CSMD1: variants seen among roughly 807,000 people sequenced by gnomAD.
The protein encoded by CSMD1 is CUB and Sushi multiple domains 1, also known as CUB and sushi domain-containing protein 1.
A neutral mutation model predicts 417.5 loss-of-function variants in CSMD1; 213 were observed. The ratio of observed to expected loss-of-function variants is 0.51; its 90% CI spans 0.46 to 0.57. The LOEUF (loss-of-function observed/expected upper bound fraction) is 0.57. Ranked by LOEUF, CSMD1 falls within the 20% of genes least tolerant of loss-of-function variation. The pLI is 0.00. For synonymous variants in CSMD1, 2,862 were observed against 1,736.8 expected (o/e 1.65, Z -16.11); for missense variants, 6,923 against 4,529.7 (o/e 1.53, Z -15.17).
chr8:4,752,140 A>G (rs1811372573), intron 1 of CSMD1, among the ~76,000 whole-genome samples: 1 of 152,168 alleles, frequency 6.6e-6, no homozygotes, highest in Non-Finnish European at 1.5e-5. Context: ...ATATATATGT[A>G]TCTCAGTTGC....
chr8:4,964,159 C>G (rs982756540), intron 1 of CSMD1, among the ~76,000 whole-genome samples: 1 of 151,702 alleles, frequency 6.6e-6, no homozygotes, highest in Admixed American at 6.6e-5. Context: ...GACTTCAGGA[C>G]CAAGGAGGAG....
intron 3 of CSMD1, among the ~76,000 whole-genome samples, chr8:4,094,024 C>T (rs11782732): frequency 0.36 from 54,145 of 148,472 alleles, 10,441 homozygotes; most frequent in Non-Finnish European, 0.43. Flanking sequence ...AGAAAAAAGA[C>T]AAAGAAAATC....
At chr8:4,053,295 A>G (rs1446448304) in intron 3 of CSMD1, among the ~76,000 whole-genome samples, 1 of 152,232 alleles carries the variant, frequency 6.6e-6, no homozygotes, top group African/African-American at 2.4e-5. Flanking sequence ...GACAGTGCTT[A>G]GCATTGCGAA....
intron 33 of CSMD1, among the ~76,000 whole-genome samples, chr8:3,196,243 G>C (rs532133641): frequency 7.2e-4 from 110 of 152,122 alleles, no homozygotes; most frequent in Non-Finnish European, 1.2e-3. Context: ...TACCCTAAAG[G>C]GTCTAAAAAG....
chr8:4,660,853 C>T (rs574917515), intron 1 of CSMD1, among the ~76,000 whole-genome samples: 1 of 152,160 alleles, frequency 6.6e-6, no homozygotes, highest in South Asian at 2.1e-4. Context: ...TGGCAAATAC[C>T]ATGTTAAAAG....
chr8:3,577,066 C>G (rs1052176978), intron 9 of CSMD1, among the ~76,000 whole-genome samples: 3 of 152,158 alleles, frequency 2.0e-5, no homozygotes, highest in African/African-American at 7.2e-5. Context: ...TCATTTGTTA[C>G]AATCCTACTG....
intron 3 of CSMD1, among the ~76,000 whole-genome samples, chr8:4,345,612 C>CA (rs1255381037): frequency 6.6e-6 from 1 of 151,904 alleles, no homozygotes; most frequent in Non-Finnish European, 1.5e-5. Context: ...AAAACAAAAA[C>CA]AAAAAGTACC....
rs1306920536 is a variant in CSMD1, at chr8:3,480,457, C to G, written c.1449-11633G>C. Among the ~76,000 whole-genome samples, 5 of 152,164 alleles carry G rather than the reference C, an allele frequency of 3.3e-5. No individual in the cohort carries two copies. In the East Asian group the frequency reaches 9.7e-4, roughly 29 times the overall value. On this transcript the variant is annotated intron_variant, in intron 11 of 69. Coordinates refer to ENST00000635120, the MANE Select transcript of CSMD1 (RefSeq NM_033225.6). The stretch of plus-strand genomic sequence containing the variant: ...ACAAATACACATAGAAAAAAGAATC[C>G]AACTATTTTTTATCATTAGAATTCC...
intron 2 of CSMD1, among the ~76,000 whole-genome samples, chr8:4,502,763 A>C (rs894278445): frequency 1.3e-5 from 2 of 152,190 alleles, no homozygotes; most frequent in African/African-American, 2.4e-5. Flanking sequence ...GGTTGTAGAC[A>C]GTACATTCCA....
At chr8:3,376,491 A>T (rs1046183372) in intron 18 of CSMD1, among the ~76,000 whole-genome samples, 4 of 152,046 alleles carry the variant, frequency 2.6e-5, no homozygotes, top group Non-Finnish European at 5.9e-5. Context: ...TTAAATATAA[A>T]ATATTCATAT....
chr8:3,808,351 G>A (rs999952526), intron 5 of CSMD1, among the ~76,000 whole-genome samples: 2 of 152,036 alleles, frequency 1.3e-5, no homozygotes, highest in Non-Finnish European at 2.9e-5. Context: ...AAATGTTTGG[G>A]TCTTGGTATA....
rs531638451 is a variant in CSMD1, at chr8:3,543,613, A to T, written c.1344+31332T>A. ...AACAAAAGAAGGATTAAATATAAGT[A>T]TAATAATTTTCAGCCTAAATAACTG... On this transcript the variant is annotated intron_variant, in intron 10 of 69. Coordinates refer to ENST00000635120, the MANE Select transcript of CSMD1 (RefSeq NM_033225.6). 3.9e-5 allele frequency among the ~76,000 whole-genome samples: 6 copies of T among 151,920 alleles called. No homozygotes were observed. In the East Asian group the frequency reaches 1.2e-3, roughly 29 times the overall value.
intron 3 of CSMD1, among the ~76,000 whole-genome samples, chr8:4,116,393 C>T (rs760778761): frequency 3.3e-5 from 5 of 151,824 alleles, no homozygotes; most frequent in Non-Finnish European, 5.9e-5. Context: ...ATATACCACA[C>T]CATGAATGAA....
intron 10 of CSMD1, among the ~76,000 whole-genome samples, chr8:3,555,821 T>C (rs565425728): frequency 6.6e-6 from 1 of 152,128 alleles, no homozygotes; most frequent in Non-Finnish European, 1.5e-5. Flanking sequence ...ATAGACAAAA[T>C]CTTCGGTGCC....
rs1002915571 is a variant in CSMD1, at chr8:4,177,344, G to A, written c.416-145245C>T. On this transcript the variant is annotated intron_variant, in intron 3 of 69. Coordinates refer to ENST00000635120, the MANE Select transcript of CSMD1 (RefSeq NM_033225.6). ...CCTGAATGAATACTGGGTACATAAC[G>A]AAATGACGGCAGAAATAAAGATGTT... is the stretch of plus-strand genomic sequence containing the variant. Among the ~76,000 whole-genome samples the A allele has an allele frequency of 2.3e-3, 344 of 152,020 alleles. 2 individuals are homozygous for A. Among genetic ancestry groups the A allele is most frequent in the Middle Eastern group, 3.4e-3 (1 of 292 alleles).
At chr8:3,912,891 A>C (rs1563204202) in intron 5 of CSMD1, among the ~76,000 whole-genome samples, 1 of 152,174 alleles carries the variant, frequency 6.6e-6, no homozygotes, top group East Asian at 1.9e-4. Context: ...GAGTGAATGA[A>C]GATCAATTAA....
intron 1 of CSMD1, among the ~76,000 whole-genome samples, chr8:4,878,998 G>C (rs1329415211): frequency 6.6e-6 from 1 of 151,946 alleles, no homozygotes; most frequent in Non-Finnish European, 1.5e-5. Context: ...GAACAGGATG[G>C]GTGAGGGCAA....
intron 2 of CSMD1, among the ~76,000 whole-genome samples, chr8:4,434,916 G>A (rs549425294): frequency 9.2e-5 from 14 of 152,250 alleles, no homozygotes; most frequent in Non-Finnish European, 1.3e-4. Flanking sequence ...ACATGACTCT[G>A]CATGACAAAG....
intron 3 of CSMD1, among the ~76,000 whole-genome samples, chr8:4,210,398 ATAGTGGAAACTG>A (rs1406341148): frequency 6.6e-6 from 1 of 152,226 alleles, no homozygotes; most frequent in East Asian, 1.9e-4. Context: ...TCAGGATTTT[ATAGTGGAAACTG>A]GTGGGTTATA....
Sources: allele counts gnomAD v4.1 joint callset (sites outside exome capture counted in the v4.1 genomes callset), GRCh38; gene constraint gnomAD v4.1.1; transcripts MANE v1.5; gene names NCBI Gene and HGNC (gene_info 2026-07-23, HGNC 2026-07-21).